Variants in KANSL1 observed in about 807,000 individuals in gnomAD.
The protein encoded by KANSL1 is KAT8 regulatory NSL complex subunit 1, also known as MLL1/MLL complex subunit KANSL1.
KANSL1 carries 22 observed loss-of-function variants against 103.6 expected under a neutral mutation model. The ratio of observed to expected loss-of-function variants is 0.21; its 90% CI spans 0.15 to 0.30. The LOEUF (loss-of-function observed/expected upper bound fraction) is 0.30, where lower values mean the gene tolerates loss of function less well. Ranked by LOEUF, KANSL1 falls within the 10% of genes least tolerant of loss-of-function variation. The pLI, the probability that KANSL1 is intolerant of heterozygous loss-of-function variation, is 1.00. For synonymous variants in KANSL1, 600 were observed against 527.6 expected (o/e 1.14, Z -1.88); for missense variants, 1,337 against 1,399.8 (o/e 0.96, Z 0.72).
chr17:46,160,887 T>G (rs1008548156), intron 2 of KANSL1, among the ~76,000 whole-genome samples: 3 of 152,246 alleles, frequency 2.0e-5, no homozygotes, highest in African/African-American at 7.2e-5. Context: ...CCTAGATTAT[T>G]ATCTTGATCT....
chr17:46,042,765 T>C (rs1397444320), intron 7 of KANSL1: 1 of 143,918 alleles, frequency 6.9e-6, no homozygotes, highest in South Asian at 2.2e-4. Context: ...CTTCCAGGAC[T>C]GGAATAAAAA....
intron 2 of KANSL1, among the ~76,000 whole-genome samples, chr17:46,158,965 C>A (rs1245789146): frequency 6.6e-6 from 1 of 152,240 alleles, no homozygotes; most frequent in African/African-American, 2.4e-5. Context: ...CAGGTCCACT[C>A]AGAACCTTAC....
intron 2 of KANSL1, among the ~76,000 whole-genome samples, chr17:46,127,959 A>T (rs2043657697): frequency 6.6e-6 from 1 of 151,954 alleles, no homozygotes; most frequent in Non-Finnish European, 1.5e-5. Flanking sequence ...AATAACTACG[A>T]AGATACCCAA....
At position 46,082,382 on chromosome 17, in the gene KANSL1, G is replaced by A. The variant is rs1037220488; in HGVS notation, c.1533+59C>T. On this transcript the variant is annotated intron_variant, in intron 4 of 14. Coordinates refer to ENST00000432791, the MANE Select transcript of KANSL1 (RefSeq NM_015443.4). ...ATCCTAGTTACAGAGAAAAAACGGT[G>A]TGCCAAGACAACACCCTTAATTCTC... is the stretch of plus-strand genomic sequence containing the variant. 4 of 1,068,912 alleles carry A rather than the reference G, an allele frequency of 3.7e-6. No homozygotes were observed. In the African/African-American group the frequency reaches 6.2e-5, roughly 17 times the overall value. 66.2% of individuals were successfully genotyped at this position (1,068,912 alleles called of 1,614,324 possible).
intron 6 of KANSL1, among the ~76,000 whole-genome samples, chr17:46,066,088 G>C (rs890275026): frequency 1.3e-5 from 2 of 152,100 alleles, no homozygotes; most frequent in African/African-American, 4.8e-5. Flanking sequence ...CAATTCCTAG[G>C]CTCAAGCAAT....
intron 2 of KANSL1, among the ~76,000 whole-genome samples, chr17:46,135,566 C>T (rs1368175909): frequency 2.0e-5 from 2 of 101,164 alleles, no homozygotes; most frequent in African/African-American, 6.3e-5. Flanking sequence ...TTTTTTGAGA[C>T]AGAGTCTCAA....
rs1435774162 is a variant in KANSL1, at chr17:46,098,764, T to C, written c.1290-4063A>G. 2.6e-5 allele frequency among the ~76,000 whole-genome samples: 4 copies of C among 152,240 alleles called. No homozygotes were observed. The East Asian group carries it at 5.8e-4, about 22-fold the overall frequency. ...ACTCGAAGTGATTTCCAGGAGAAAG[T>C]TGTTACAACATTATTCTTCCATAAT... is the stretch of plus-strand genomic sequence containing the variant. On this transcript the variant is annotated intron_variant, in intron 2 of 14. Transcript: ENST00000432791.
intron 1 of KANSL1, among the ~76,000 whole-genome samples, chr17:46,183,257 G>C (rs894633592): frequency 2.6e-5 from 4 of 151,814 alleles, no homozygotes; most frequent in African/African-American, 9.7e-5. Flanking sequence ...ATCTAAAAAA[G>C]CCACCCAAAC....
rs945190511 is a variant in KANSL1, at chr17:46,171,006, A to G, written c.1138T>C (p.Leu380=). 4 of 1,614,050 alleles carry G rather than the reference A, an allele frequency of 2.5e-6. No homozygotes were observed. The highest frequency in any genetic ancestry group is 3.4e-6 in the Non-Finnish European group (4 of 1,180,052). The change falls in exon 2 of 15, where the codon TTG becomes CTG. Residue 380 remains leucine (L), a synonymous_variant. Transcript: ENST00000432791. ...ATGCCACTAGCTGTAAATCTCTCCAATTCTTCTGAAATTGAATTGCTTTTC... is the reference window on the plus strand; with the variant it reads ...ATGCCACTAGCTGTAAATCTCTCCAGTTCTTCTGAAATTGAATTGCTTTTC... The part of the protein sequence containing the change: ...FLKSNSISEE[L]ERFTASGIAN...
At chr17:46,212,335 C>T (rs1458880087) in intron 1 of KANSL1, among the ~76,000 whole-genome samples, 1 of 152,140 alleles carries the variant, frequency 6.6e-6, no homozygotes, top group African/African-American at 2.4e-5. Flanking sequence ...ATTCTCCTGC[C>T]TCAGCCTCCT....
chr17:46,214,015 A>G (rs2732605), intron 1 of KANSL1, among the ~76,000 whole-genome samples: 21,952 of 152,170 alleles, frequency 0.14, 2,140 homozygotes, highest in Non-Finnish European at 0.22. Context: ...AACATCACAG[A>G]CCTAAATATT....
intron 6 of KANSL1, among the ~76,000 whole-genome samples, chr17:46,052,915 G>A (rs1328965380): frequency 7.9e-6 from 1 of 127,034 alleles, no homozygotes; most frequent in East Asian, 2.5e-4. Flanking sequence ...AGTGAGCCAT[G>A]ATTGCACCAC....
At chr17:46,041,122 T>A (rs1304053828) in intron 7 of KANSL1, 1 of 152,240 alleles carries the variant, frequency 6.6e-6, no homozygotes, top group Non-Finnish European at 1.5e-5. Context: ...ATTACTAGTA[T>A]ATAGAAGTAC....
chr17:46,201,239 C>T (rs1405898196), intron 1 of KANSL1, among the ~76,000 whole-genome samples: 1 of 152,190 alleles, frequency 6.6e-6, no homozygotes, highest in Non-Finnish European at 1.5e-5. Context: ...CCCACTAATT[C>T]TTGGATTCTT....
chr17:46,178,594 C>G (rs1476543749), intron 1 of KANSL1, among the ~76,000 whole-genome samples: 1 of 152,240 alleles, frequency 6.6e-6, no homozygotes, highest in Non-Finnish European at 1.5e-5. Context: ...GCTACCTATT[C>G]AAGGTCATTT....
chr17:46,098,874 G>A (rs2042188989), intron 2 of KANSL1, among the ~76,000 whole-genome samples: 1 of 152,172 alleles, frequency 6.6e-6, no homozygotes, highest in African/African-American at 2.4e-5. Context: ...CAAAATACCA[G>A]CAATATGAGC....
At chr17:46,150,918 C>G (rs1389838206) in intron 2 of KANSL1, among the ~76,000 whole-genome samples, 1 of 115,414 alleles carries the variant, frequency 8.7e-6, no homozygotes, top group African/African-American at 3.8e-5. Context: ...TGCAAGATCC[C>G]TATTCTGTCA....
chr17:46,106,495 C>G (rs1330637251), intron 2 of KANSL1, among the ~76,000 whole-genome samples: 1 of 152,182 alleles, frequency 6.6e-6, no homozygotes. Context: ...CGGGTTCAAG[C>G]AATTCTCCTG....
At chr17:46,089,090 G>A (rs762794964) in intron 3 of KANSL1, among the ~76,000 whole-genome samples, 6 of 152,156 alleles carry the variant, frequency 3.9e-5, no homozygotes, top group East Asian at 1.9e-4. Context: ...ATCATTAAAC[G>A]AACATACATG....
Sources: gnomAD v4.1 joint callset for allele counts (sites outside exome capture counted in the v4.1 genomes callset) on GRCh38, gnomAD v4.1.1 for gene constraint, MANE v1.5 for transcripts, NCBI Gene and HGNC (gene_info 2026-07-23, HGNC 2026-07-21) for gene names.